ZC2HC1A: variants seen among roughly 807,000 people sequenced by gnomAD.
ZC2HC1A encodes zinc finger C2HC domain-containing protein 1A.
Under a neutral mutation model 40.7 loss-of-function variants are expected in ZC2HC1A, and 28 were observed. The observed-to-expected ratio is 0.69, with a 90% CI of 0.51 to 0.94. The LOEUF (loss-of-function observed/expected upper bound fraction) is 0.94. ZC2HC1A is among the 40% of genes least tolerant of loss of function. ZC2HC1A has a pLI of 0.00. For missense variants in ZC2HC1A, 389 were observed against 386.3 expected, an observed-to-expected ratio of 1.01 and a Z score of -0.06; for synonymous variants, 129 against 129.2, an observed-to-expected ratio of 1.00 and a Z score of 0.01.
At chr8:78,698,644 T>TC in intron 7 of ZC2HC1A, 131 bp downstream of exon 7, 1 of 622,922 alleles carries the variant, frequency 1.6e-6, no homozygotes, top group Non-Finnish European at 2.5e-6. Flanking sequence ...ATTTTGCTGG[T>TC]CAGGAGCACA....
rs1274078756 is a variant in ZC2HC1A at position 78,678,617 on chromosome 8, G to A, written c.148G>A (p.Asp50Asn). The A allele has an allele frequency of 1.7e-5, 27 of 1,612,500 alleles. 1 individual carries two copies. Among genetic ancestry groups the A allele is most frequent in the Non-Finnish European group, 2.2e-5 (26 of 1,179,362 alleles). Residue 50 changes from aspartate (D) to asparagine (N), a missense_variant, in exon 3 of 9, where the codon GAT (aspartate) becomes AAT (asparagine). Coordinates refer to ENST00000263849, the MANE Select transcript of ZC2HC1A (RefSeq NM_016010.3). ...TGCAACTAAAAAACGGAAGACTTTT[G>A]ATTCAAGCAGACAGAGAGCTGAAGG... ...KTATKKRKTFDSSRQRAEGTD... is the reference protein window; with the variant it reads ...KTATKKRKTFNSSRQRAEGTD...
chr8:78,670,819 T>C (rs530012705), intron 1 of ZC2HC1A, among the ~76,000 whole-genome samples: 2 of 152,330 alleles, frequency 1.3e-5, no homozygotes, highest in South Asian at 4.1e-4. Flanking sequence ...CTGTGAAGGA[T>C]GAAGGTTGTG....
chr8:78,689,034 CTT>C (rs5892662), intron 4 of ZC2HC1A, among the ~76,000 whole-genome samples, 186 bp from the exon 5 acceptor site: 1 of 146,224 alleles, frequency 6.8e-6, no homozygotes, highest in African/African-American at 2.5e-5. Context: ...TACCAGCAGA[CTT>C]TTTTTTTTTT....
intron 5 of ZC2HC1A, among the ~76,000 whole-genome samples, chr8:78,690,388 G>C (rs371474341): frequency 1.3e-5 from 2 of 152,012 alleles, no homozygotes; most frequent in African/African-American, 4.8e-5. Flanking sequence ...GTGAAACCCC[G>C]TCTCTAATAA....
chr8:78,666,153 A>C lies in ZC2HC1A; in HGVS notation c.5A>C (p.Glu2Ala), dbSNP rs898680595. 2 of 1,573,326 alleles carry C rather than the reference A, an allele frequency of 1.3e-6. No homozygotes were observed. The highest frequency in any genetic ancestry group is 2.7e-5 in the African/African-American group (2 of 74,380). ...TGAGCTCGAGGAGGTGGCGCGATGGAGGGACTGGAAGGTGAGGCGATGAAG... is the reference window on the plus strand; with the variant it reads ...TGAGCTCGAGGAGGTGGCGCGATGGCGGGACTGGAAGGTGAGGCGATGAAG... M[E>A]GLEENGGVVQ... Residue 2 changes from glutamate (E) to alanine (A), a missense_variant, in exon 1 of 9, where the codon GAG becomes GCG. Glu to Ala is a moderately radical substitution (Grantham distance 107). Transcript: ENST00000263849.
chr8:78,693,941 T>G (rs1470071668), intron 5 of ZC2HC1A, among the ~76,000 whole-genome samples: 13 of 152,204 alleles, frequency 8.5e-5, no homozygotes, highest in Non-Finnish European at 1.8e-4. Context: ...AGTTTCAGCT[T>G]TCTACATATG....
At chr8:78,708,621 A>G (rs1810856214) in intron 7 of ZC2HC1A, among the ~76,000 whole-genome samples, 1 of 152,074 alleles carries the variant, frequency 6.6e-6, no homozygotes, top group Non-Finnish European at 1.5e-5. Flanking sequence ...TTAAAAAACA[A>G]CAAAACACAC....
intron 5 of ZC2HC1A, among the ~76,000 whole-genome samples, chr8:78,696,970 T>C (rs1281418590): frequency 6.6e-6 from 1 of 152,226 alleles, no homozygotes; most frequent in Non-Finnish European, 1.5e-5. Flanking sequence ...TAGACCTTTT[T>C]TTCTTTTTCC....
chr8:78,702,490 T>C (rs1810636666), intron 7 of ZC2HC1A, among the ~76,000 whole-genome samples: 1 of 152,194 alleles, frequency 6.6e-6, no homozygotes, highest in Non-Finnish European at 1.5e-5. Context: ...TGACTATTTC[T>C]TGTCTTCTGC....
intron 7 of ZC2HC1A, among the ~76,000 whole-genome samples, chr8:78,709,661 A>G (rs1302850908): frequency 1.3e-5 from 2 of 152,070 alleles, no homozygotes; most frequent in African/African-American, 4.8e-5. Context: ...CCACACTGAA[A>G]GAAGAATTGT....
At chr8:78,667,168 A>G (rs565927393) in intron 1 of ZC2HC1A, among the ~76,000 whole-genome samples, 6 of 152,304 alleles carry the variant, frequency 3.9e-5, no homozygotes, top group South Asian at 4.1e-4. Context: ...ATGAAGTGCA[A>G]AGTGGTAGCC....
At chr8:78,701,081 G>T (rs986108067) in intron 7 of ZC2HC1A, among the ~76,000 whole-genome samples, 8 of 152,046 alleles carry the variant, frequency 5.3e-5, no homozygotes, top group African/African-American at 1.9e-4. Flanking sequence ...ATTGCTTTAG[G>T]CAGTATCACC....
intron 3 of ZC2HC1A, chr8:78,679,415 T>C (rs891630892): frequency 6.6e-6 from 1 of 152,222 alleles, no homozygotes; most frequent in Non-Finnish European, 1.5e-5. Context: ...GCTTTATGTC[T>C]AGATTACTTA....
At chr8:78,692,976 G>A (rs932094288) in intron 5 of ZC2HC1A, among the ~76,000 whole-genome samples, 6 of 151,994 alleles carry the variant, frequency 3.9e-5, no homozygotes, top group African/African-American at 1.5e-4. Context: ...GTGAGAACAT[G>A]CGGTGTTTGG....
chr8:78,715,401 A>G (rs1811069850), intron 8 of ZC2HC1A, 73 bp downstream of exon 8: 1 of 1,330,620 alleles, frequency 7.5e-7, no homozygotes, highest in Non-Finnish European at 1.0e-6. Flanking sequence ...GACCATACAC[A>G]AAAGTAAGTA....
chr8:78,681,610 A>G (rs977637368), intron 3 of ZC2HC1A, among the ~76,000 whole-genome samples: 2 of 152,154 alleles, frequency 1.3e-5, no homozygotes, highest in African/African-American at 4.8e-5. Context: ...GAGTTTGTGT[A>G]ATATTGATGC....
At chr8:78,711,923 T>TA (rs1469431903) in intron 7 of ZC2HC1A, 3 of 1,029,056 alleles carry the variant, frequency 2.9e-6, no homozygotes, top group Admixed American at 2.5e-5. Context: ...TAATGTCTTT[T>TA]AAAAAAACTT....
chr8:78,701,911 T>A (rs187677209), intron 7 of ZC2HC1A, among the ~76,000 whole-genome samples: 2 of 152,340 alleles, frequency 1.3e-5, no homozygotes, highest in East Asian at 3.9e-4. Context: ...TTGATGTTTA[T>A]CAAGGTTATT....
At chr8:78,697,250 T>C (rs1271588757) in intron 5 of ZC2HC1A, among the ~76,000 whole-genome samples, 157 bp from the exon 6 acceptor site, 1 of 152,252 alleles carries the variant, frequency 6.6e-6, no homozygotes, top group Admixed American at 6.5e-5. Flanking sequence ...TTTAATACAT[T>C]AATGATGTGC....
Sources: gnomAD v4.1 joint callset for allele counts (sites outside exome capture counted in the v4.1 genomes callset) on GRCh38, gnomAD v4.1.1 for gene constraint, MANE v1.5 for transcripts, NCBI Gene and HGNC (gene_info 2026-07-23, HGNC 2026-07-21) for gene names.